ZNF782: variants seen among roughly 807,000 people sequenced by gnomAD.
ZNF782 encodes the protein zinc finger protein 782.
ZNF782 carries 12 observed loss-of-function variants against 13.0 expected under a neutral mutation model. The observed-to-expected ratio is 0.92, with a 90% CI of 0.59 to 1.50. The LOEUF is 1.50. ZNF782 is among the 40% of genes most tolerant of loss of function. The probability of loss-of-function intolerance (pLI) is 0.00; values close to 1 mark genes in which losing one functional copy is unlikely to be tolerated. For synonymous variants in ZNF782, 284 were observed against 283.0 expected (o/e 1.00, Z -0.04); for missense variants, 770 against 822.9 (o/e 0.94, Z 0.79).
chr9:96,836,399 G>A (rs976246143), intron 4 of ZNF782, among the ~76,000 whole-genome samples: 9 of 151,972 alleles, frequency 5.9e-5, no homozygotes, highest in Middle Eastern at 3.4e-3. Context: ...TAGTAGAGAC[G>A]GGGTTTCACT....
chr9:96,896,915 C>T, the ZNF782 span, among the ~76,000 whole-genome samples: 1 of 152,220 alleles, frequency 6.6e-6, no homozygotes, highest in Non-Finnish European at 1.5e-5. Context: ...CTGATAACTA[C>T]TCTCCTTTTC....
At chr9:96,913,301 T>C in the ZNF782 span, among the ~76,000 whole-genome samples, 1 of 151,786 alleles carries the variant, frequency 6.6e-6, no homozygotes, top group African/African-American at 2.4e-5. Flanking sequence ...GGTGACAGAG[T>C]GAGACTCCAT....
the ZNF782 span, chr9:96,895,292 G>A: frequency 6.6e-6 from 1 of 152,198 alleles, no homozygotes; most frequent in Non-Finnish European, 1.5e-5. Context: ...CCGATTTACA[G>A]AGACTTATGG....
upstream of ZNF782, among the ~76,000 whole-genome samples, chr9:96,878,000 T>G (rs1851914909): frequency 6.6e-6 from 1 of 152,228 alleles, no homozygotes; most frequent in African/African-American, 2.4e-5. Context: ...GTAGTAAGCT[T>G]GGCAACTTGG....
upstream of ZNF782, among the ~76,000 whole-genome samples, chr9:96,877,617 G>T (rs1180894452): frequency 6.6e-6 from 1 of 152,372 alleles, no homozygotes. Flanking sequence ...AGATCTGGGG[G>T]CCCCGTGGGC....
At chr9:96,838,204 T>C (rs1488465298) in intron 4 of ZNF782, among the ~76,000 whole-genome samples, 4 of 152,256 alleles carry the variant, frequency 2.6e-5, no homozygotes, top group African/African-American at 4.8e-5. Context: ...GCTATCTTTC[T>C]GTATTTGATT....
intron 4 of ZNF782, among the ~76,000 whole-genome samples, chr9:96,828,269 G>C (rs1186007276): frequency 6.6e-6 from 1 of 152,178 alleles, no homozygotes; most frequent in Non-Finnish European, 1.5e-5. Flanking sequence ...TACTGCTTTA[G>C]TAGAGGGGCC....
Position 96,819,283 on chromosome 9 carries a change from T to G in ZNF782, c.740A>C (p.Lys247Thr). 1.2e-6 allele frequency: 2 copies of G among 1,613,214 alleles called. No individual in the cohort carries two copies. The highest frequency in any genetic ancestry group is 1.7e-5 in the Admixed American group (1 of 59,864). ...TTTATCATATTTGTTTTCCCCAAAT[T>G]TATTGAAATTGTAAGATTTTCCTTT... ...HPKGKSYNFN[K>T]FGENKYDKST... is the part of the protein sequence containing the mutation. Residue 247 changes from lysine to threonine, a missense_variant, in exon 6 of 6, where the codon AAA becomes ACA. Coordinates refer to ENST00000481138, the MANE Select transcript of ZNF782 (RefSeq NM_001001662.3).
the ZNF782 span, among the ~76,000 whole-genome samples, chr9:96,883,092 C>G: frequency 1.4e-4 from 22 of 152,264 alleles, no homozygotes; most frequent in Non-Finnish European, 2.4e-4. Context: ...AGTTTCTTTG[C>G]ATTGCCACAT....
At chr9:96,881,131 CGTT>C in the ZNF782 span, among the ~76,000 whole-genome samples, 1 of 152,058 alleles carries the variant, frequency 6.6e-6, no homozygotes, top group Admixed American at 6.5e-5. Context: ...TTCTGCCTAA[CGTT>C]GGTAATTTAC....
At chr9:96,820,852 T>C (rs1312778762) in intron 5 of ZNF782, among the ~76,000 whole-genome samples, 2 of 152,192 alleles carry the variant, frequency 1.3e-5, no homozygotes, top group Admixed American at 6.5e-5. Context: ...ATCCGGCCAA[T>C]AGTGAATCTT....
At chr9:96,862,857 G>A (rs1490524368) in intron 1 of ZNF782, among the ~76,000 whole-genome samples, 3 of 152,214 alleles carry the variant, frequency 2.0e-5, no homozygotes, top group Non-Finnish European at 4.4e-5. Flanking sequence ...TATAATGGCA[G>A]CTAAATTGTT....
intron 4 of ZNF782, among the ~76,000 whole-genome samples, chr9:96,841,579 C>G (rs1851190859): frequency 6.6e-6 from 1 of 151,860 alleles, no homozygotes; most frequent in Admixed American, 6.6e-5. Context: ...TATTTGAAAA[C>G]TAGTCAACAA....
upstream of ZNF782, among the ~76,000 whole-genome samples, chr9:96,880,536 T>A (rs977526980): frequency 6.6e-6 from 1 of 152,246 alleles, no homozygotes; most frequent in Admixed American, 6.5e-5. Flanking sequence ...TCAACTGATA[T>A]GATCCTGTGG....
chr9:96,929,068 C>T, the ZNF782 span: 1 of 1,610,482 alleles, frequency 6.2e-7, no homozygotes, highest in East Asian at 2.3e-5. Context: ...GGGCATTATC[C>T]TAGTCTGCCT....
chr9:96,917,885 G>GGCGCGCGTGCGT, the ZNF782 span, among the ~76,000 whole-genome samples: 63 of 113,216 alleles, frequency 5.6e-4, no homozygotes, highest in East Asian at 4.9e-3. Flanking sequence ...CACCACCCTT[G>GGCGCGCGTGCGT]GCGTGTGTGT....
chr9:96,882,335 A>G, the ZNF782 span, among the ~76,000 whole-genome samples: 1 of 152,194 alleles, frequency 6.6e-6, no homozygotes. Context: ...CCATAAAGCC[A>G]TATTAGCAGC....
At chr9:96,853,542 A>G (rs908595634) in intron 1 of ZNF782, among the ~76,000 whole-genome samples, 1 of 152,182 alleles carries the variant, frequency 6.6e-6, no homozygotes, top group Non-Finnish European at 1.5e-5. Flanking sequence ...TCTTTACATC[A>G]GACTTAAAAG....
the ZNF782 span, among the ~76,000 whole-genome samples, chr9:96,926,506 C>G: frequency 2.6e-5 from 4 of 152,072 alleles, no homozygotes; most frequent in African/African-American, 7.2e-5. Context: ...GCAGCTCTGT[C>G]TCGGAGGACA....
Sources: allele counts gnomAD v4.1 joint callset (sites outside exome capture counted in the v4.1 genomes callset), GRCh38; gene constraint gnomAD v4.1.1; transcripts MANE v1.5; gene names NCBI Gene and HGNC (gene_info 2026-07-23, HGNC 2026-07-21).